The following RBFOX1 variants were observed in gnomAD, a reference collection of about 807,000 sequenced individuals.
RBFOX1 encodes RNA binding fox-1 homolog 1.
RBFOX1 carries 8 observed loss-of-function variants against 57.7 expected under a neutral mutation model. The ratio of observed to expected loss-of-function variants is 0.14; its 90% CI spans 0.08 to 0.25. The LOEUF is 0.25. Ranked by LOEUF, RBFOX1 falls within the 10% of genes least tolerant of loss-of-function variation. RBFOX1 has a pLI of 1.00. For missense variants in RBFOX1, 611 were observed against 548.5 expected (o/e 1.11, Z -1.14); for synonymous variants, 326 against 222.4 (o/e 1.47, Z -4.15).
At chr16:5,870,646 C>T (rs1555552003) in intron 4 of RBFOX1, among the ~76,000 whole-genome samples, 1 of 150,762 alleles carries the variant, frequency 6.6e-6, no homozygotes. Context: ...ACCATTTTTC[C>T]TAAGGCTGAA....
chr16:7,478,349 G>C (rs1181845332), intron 4 of RBFOX1, among the ~76,000 whole-genome samples: 1 of 152,306 alleles, frequency 6.6e-6, no homozygotes, highest in East Asian at 1.9e-4. Flanking sequence ...CTTTACTCCA[G>C]GTGGCCCAAG....
chr16:6,663,471 A>C (rs1244305115), intron 3 of RBFOX1, among the ~76,000 whole-genome samples: 1 of 151,476 alleles, frequency 6.6e-6, no homozygotes. Context: ...AGATCTGTGC[A>C]CTTCTGATAG....
At chr16:6,002,049 A>C (rs1398085593) in intron 4 of RBFOX1, among the ~76,000 whole-genome samples, 1 of 150,640 alleles carries the variant, frequency 6.6e-6, no homozygotes, top group African/African-American at 2.4e-5. Flanking sequence ...CCCTGGGCTG[A>C]AATCTTCAAA....
intron 1 of RBFOX1, among the ~76,000 whole-genome samples, chr16:6,107,877 C>G (rs575006130): frequency 5.3e-5 from 8 of 152,246 alleles, no homozygotes; most frequent in Non-Finnish European, 8.8e-5. Flanking sequence ...TTAATTTATG[C>G]TTCCACCAGT....
chr16:6,929,442 T>C (rs1368870111), intron 3 of RBFOX1, among the ~76,000 whole-genome samples: 1 of 152,150 alleles, frequency 6.6e-6, no homozygotes. Flanking sequence ...AGTTCCCTGG[T>C]ATATATCAGA....
At chr16:5,585,057 A>G (rs553994091) in intron 2 of RBFOX1, among the ~76,000 whole-genome samples, 1 of 152,296 alleles carries the variant, frequency 6.6e-6, no homozygotes, top group Non-Finnish European at 1.5e-5. Context: ...TTAACAATTC[A>G]GTGGCATTTA....
intron 4 of RBFOX1, among the ~76,000 whole-genome samples, chr16:7,185,497 T>C (rs2083541173): frequency 6.6e-6 from 1 of 152,188 alleles, no homozygotes; most frequent in Non-Finnish European, 1.5e-5. Context: ...TGATATTGCA[T>C]CCTAATAATT....
intron 4 of RBFOX1, among the ~76,000 whole-genome samples, chr16:5,875,363 G>A (rs1290905022): frequency 6.6e-6 from 1 of 152,162 alleles, no homozygotes; most frequent in African/African-American, 2.4e-5. Flanking sequence ...ACTAGGAACA[G>A]CATGACTGCC....
At chr16:6,857,405 A>G (rs1017167544) in intron 3 of RBFOX1, among the ~76,000 whole-genome samples, 1 of 150,978 alleles carries the variant, frequency 6.6e-6, no homozygotes, top group African/African-American at 2.4e-5. Context: ...GAAGCATGGG[A>G]GAGGTCAAAT....
intron 4 of RBFOX1, among the ~76,000 whole-genome samples, chr16:7,293,704 A>G (rs2095838523): frequency 6.6e-6 from 1 of 152,162 alleles, no homozygotes; most frequent in Non-Finnish European, 1.5e-5. Flanking sequence ...TTTGAGAGCC[A>G]GGAAGGTTTT....
intron 2 of RBFOX1, among the ~76,000 whole-genome samples, chr16:6,428,697 C>T (rs2093996338): frequency 6.6e-6 from 1 of 152,126 alleles, no homozygotes; most frequent in Non-Finnish European, 1.5e-5. Context: ...CTGAAATCTA[C>T]AGTGAGAAGA....
intron 3 of RBFOX1, among the ~76,000 whole-genome samples, chr16:6,657,587 A>C (rs926837486): frequency 6.6e-6 from 1 of 152,142 alleles, no homozygotes; most frequent in African/African-American, 2.4e-5. Flanking sequence ...AAATTTCACC[A>C]CTGGAGTGAT....
Position 7,050,375 on chromosome 16 carries a change from C to T in RBFOX1, c.-15-1682C>T, listed in dbSNP as rs533402457. On this transcript the variant is annotated intron_variant, in intron 3 of 15. Coordinates refer to ENST00000550418, the MANE Select transcript of RBFOX1 (RefSeq NM_018723.4). ...CTGCCTCCCAGGTTCAAGTGATTCT[C>T]CTGCTTCAGCCAACTGAGTAGCTGG... is the stretch of plus-strand genomic sequence containing the variant. Among the ~76,000 whole-genome samples, 19 of 151,704 alleles carry T rather than the reference C, an allele frequency of 1.3e-4. No individual in the cohort carries two copies. The East Asian group carries it at 3.7e-3, about 30-fold the overall frequency.
At chr16:7,467,782 T>C (rs1363003510) in intron 4 of RBFOX1, among the ~76,000 whole-genome samples, 2 of 152,230 alleles carry the variant, frequency 1.3e-5, no homozygotes, top group Admixed American at 1.3e-4. Context: ...TTCATCTCTT[T>C]GGAAATTACT....
At chr16:6,013,989 C>T (rs964367549) in intron 4 of RBFOX1, among the ~76,000 whole-genome samples, 1 of 151,656 alleles carries the variant, frequency 6.6e-6, no homozygotes, top group East Asian at 1.9e-4. Context: ...GGAGGGTTAG[C>T]ATTAGGAGAT....
intron 4 of RBFOX1, among the ~76,000 whole-genome samples, chr16:7,309,389 C>A (rs561462942): frequency 6.6e-6 from 1 of 152,218 alleles, no homozygotes; most frequent in South Asian, 2.1e-4. Flanking sequence ...CTTAATCCAA[C>A]AATCACTTCT....
intron 3 of RBFOX1, among the ~76,000 whole-genome samples, chr16:6,726,181 T>C (rs1004657895): frequency 6.6e-6 from 1 of 152,142 alleles, no homozygotes; most frequent in Non-Finnish European, 1.5e-5. Flanking sequence ...CTGCGTTTCA[T>C]GCATAGCAAG....
chr16:6,225,574 G>C (rs2097410356), intron 1 of RBFOX1, among the ~76,000 whole-genome samples: 1 of 152,144 alleles, frequency 6.6e-6, no homozygotes, highest in Non-Finnish European at 1.5e-5. Flanking sequence ...TTGCAAATGA[G>C]GATAGTGAAA....
intron 5 of RBFOX1, among the ~76,000 whole-genome samples, chr16:7,565,495 C>G (rs1025123862): frequency 1.3e-5 from 2 of 152,170 alleles, no homozygotes; most frequent in Non-Finnish European, 2.9e-5. Context: ...CTATTCTCTG[C>G]AGACTGAGAG....
Sources: gnomAD v4.1 joint callset for allele counts (sites outside exome capture counted in the v4.1 genomes callset) on GRCh38, gnomAD v4.1.1 for gene constraint, MANE v1.5 for transcripts, NCBI Gene and HGNC (gene_info 2026-07-23, HGNC 2026-07-21) for gene names.